Variants in ARID1B observed in about 807,000 individuals in gnomAD.
ARID1B encodes AT-rich interaction domain 1B.
ARID1B carries 30 observed loss-of-function variants against 212.3 expected under a neutral mutation model. The observed-to-expected ratio is 0.14, with a 90% CI of 0.11 to 0.19. ARID1B has a LOEUF of 0.19. ARID1B is among the 10% of genes least tolerant of loss of function. The pLI is 1.00. For missense variants in ARID1B, 2,891 were observed against 3,204.0 expected (o/e 0.90, Z 2.36); for synonymous variants, 1,402 against 1,301.7 (o/e 1.08, Z -1.66).
chr6:156,808,516 A>G (rs530597359), intron 1 of ARID1B, among the ~76,000 whole-genome samples: 1 of 152,294 alleles, frequency 6.6e-6, no homozygotes, highest in South Asian at 2.1e-4. Context: ...ACTAAAGTCA[A>G]TGCTTGTAAT....
rs1458177119 is a variant in ARID1B, at chr6:157,196,392, GGCA to G, written c.4382+80_4382+82del. The G allele has an allele frequency of 3.3e-6, 5 of 1,513,336 alleles. No homozygotes were observed. In the African/African-American group the frequency reaches 7.0e-5, roughly 21 times the overall value. 93.7% of individuals were successfully genotyped at this position (1,513,336 alleles called of 1,614,324 possible). A position where few individuals can be genotyped will look rare whatever the true frequency, so the allele number is the denominator to read the frequency against. The stretch of plus-strand genomic sequence containing the variant: ...CCTCACACACACATTTCTGAGCCCT[GGCA>G]GCTGAGCCACTGATGACAATATACA... On this transcript the variant is annotated intron_variant, in intron 16 of 19. Transcript: ENST00000636930.
At chr6:156,913,635 C>A (rs1289670237) in intron 3 of ARID1B, among the ~76,000 whole-genome samples, 3 of 152,112 alleles carry the variant, frequency 2.0e-5, no homozygotes, top group Non-Finnish European at 2.9e-5. Flanking sequence ...ATCTTCCCAA[C>A]TTCCAGCCCA....
intron 4 of ARID1B, among the ~76,000 whole-genome samples, chr6:156,960,112 G>T (rs1794268450): frequency 6.6e-6 from 1 of 151,954 alleles, no homozygotes; most frequent in Non-Finnish European, 1.5e-5. Context: ...TGTATTTTTA[G>T]TAGAGACGGG....
chr6:156,891,962 C>T (rs1156961868), intron 2 of ARID1B, among the ~76,000 whole-genome samples: 3 of 150,302 alleles, frequency 2.0e-5, no homozygotes, highest in African/African-American at 4.9e-5. Flanking sequence ...GTCTCTGCCT[C>T]TCCGGTTCAA....
At chr6:157,126,282 G>T (rs367711799) in intron 6 of ARID1B, among the ~76,000 whole-genome samples, 23 of 152,252 alleles carry the variant, frequency 1.5e-4, no homozygotes, top group African/African-American at 5.5e-4. Context: ...AGCAAGATGT[G>T]CGTTCTTCAC....
chr6:157,048,985 C>G (rs187406185), intron 4 of ARID1B, among the ~76,000 whole-genome samples: 1 of 151,968 alleles, frequency 6.6e-6, no homozygotes, highest in African/African-American at 2.4e-5. Context: ...ACCAGCCTAG[C>G]CAACATGGTA....
intron 1 of ARID1B, among the ~76,000 whole-genome samples, chr6:156,786,193 TA>T (rs1180566255): frequency 3.3e-5 from 5 of 152,304 alleles, no homozygotes; most frequent in South Asian, 2.1e-4. Flanking sequence ...TTTATAGTGA[TA>T]TTTTTTTCTA....
chr6:157,128,115 C>T lies in ARID1B; in HGVS notation c.2582-4913C>T, dbSNP rs374324942. Reference sequence around the variant, plus strand: ...GAGGAAACTGCTAATAGACATGCATCGTTTCTGTATTTAGGATGAATAGAA... The same window carrying T: ...GAGGAAACTGCTAATAGACATGCATTGTTTCTGTATTTAGGATGAATAGAA... On this transcript the variant is annotated intron_variant, in intron 6 of 19. Coordinates refer to ENST00000636930, the MANE Select transcript of ARID1B (RefSeq NM_001374828.1). Among the ~76,000 whole-genome samples, 27 of 152,280 alleles carry T rather than the reference C, an allele frequency of 1.8e-4. 1 individual carries two copies. In the South Asian group the frequency reaches 5.0e-3, roughly 28 times the overall value.
intron 8 of ARID1B, chr6:157,149,472 GTTATA>G (rs1374998813): frequency 1.3e-5 from 2 of 152,504 alleles, no homozygotes; most frequent in African/African-American, 4.8e-5. Context: ...ACATTCTTAT[GTTATA>G]TTTTATTTTT....
At chr6:156,858,514 C>G (rs568605627) in intron 2 of ARID1B, among the ~76,000 whole-genome samples, 1 of 152,178 alleles carries the variant, frequency 6.6e-6, no homozygotes, top group South Asian at 2.1e-4. Flanking sequence ...ACCTGTAATT[C>G]TAGCACTTTG....
In ARID1B at chr6:156,778,372, C is replaced by G; in HGVS notation, c.692C>G (p.Pro231Arg). 1.3e-6 allele frequency: 2 copies of G among 1,534,932 alleles called. No individual in the cohort carries two copies. Among genetic ancestry groups the G allele is most frequent in the Non-Finnish European group, 1.7e-6 (2 of 1,144,624 alleles). Residue 231 changes from proline to arginine, a missense_variant, in exon 1 of 20, where the codon CCT (proline) becomes CGT (arginine). Pro to Arg is a moderately radical substitution (Grantham distance 103). Transcript: ENST00000636930. Reference sequence around the variant, plus strand: ...TTGGGCGGCGCGGGCGGCGGCGCGCCTCAGCCCGGCCCCGACATGGAGCAG... The same window carrying G: ...TTGGGCGGCGCGGGCGGCGGCGCGCGTCAGCCCGGCCCCGACATGGAGCAG... ...NSLGGAGGGA[P>R]QPGPDMEQPQ... is the part of the protein sequence containing the mutation.
At chr6:157,088,528 A>G (rs900706262) in intron 5 of ARID1B, among the ~76,000 whole-genome samples, 5 of 152,164 alleles carry the variant, frequency 3.3e-5, no homozygotes, top group Admixed American at 2.6e-4. Context: ...TCATTTCCCT[A>G]AGATTCATAT....
In ARID1B at chr6:157,200,916, A is replaced by T. The variant is rs755473951; in HGVS notation, c.4691A>T (p.His1564Leu). 1 of 1,613,792 alleles carries T rather than the reference A, an allele frequency of 6.2e-7. No homozygotes were observed. Among genetic ancestry groups the T allele is most frequent in the South Asian group, 1.1e-5 (1 of 91,074 alleles). The part of the protein sequence containing the change: ...RMQGPGQIQT[H>L]GIPPQMMGGP... ...CAGGGCCCGGGGCAGATCCAGACAC[A>T]CGGAATCCCGCCTCAGATGATGGGC... Residue 1564 changes from histidine to leucine, a missense_variant, in exon 18 of 20, where the codon CAC becomes CTC. By Grantham distance (99) the His-to-Leu change is moderately conservative. This residue lies in a region of ARID1B where 666 missense variants were observed against 873.5 expected (regional missense o/e 0.76). Transcript: ENST00000636930. The surrounding 1 kb of genome is among the most constrained non-coding windows in gnomAD (Gnocchi z 4.3).
In ARID1B at chr6:156,962,782, C is replaced by T. The variant is rs111544918; in HGVS notation, c.2247+27206C>T. 1.6e-4 allele frequency among the ~76,000 whole-genome samples: 24 copies of T among 152,090 alleles called. No individual in the cohort carries two copies. In the South Asian group the frequency reaches 4.6e-3, roughly 29 times the overall value. ...ACAGGTGTGAGCCATCACACCTGGC[C>T]GATTTCTTTCTTTCTTTTTGAGATG... On this transcript the variant is annotated intron_variant, in intron 4 of 19. Coordinates refer to ENST00000636930, the MANE Select transcript of ARID1B (RefSeq NM_001374828.1).
At chr6:157,070,644 G>A (rs117004065) in intron 4 of ARID1B, among the ~76,000 whole-genome samples, 4 of 152,182 alleles carry the variant, frequency 2.6e-5, no homozygotes, top group Non-Finnish European at 4.4e-5. Context: ...TGGAGCATGC[G>A]GCAGTATCCC....
Position 157,001,619 on chromosome 6 carries a change from A to G in ARID1B, c.2247+66043A>G, listed in dbSNP as rs140047594. On this transcript the variant is annotated intron_variant, in intron 4 of 19. Coordinates refer to ENST00000636930, the MANE Select transcript of ARID1B (RefSeq NM_001374828.1). The stretch of plus-strand genomic sequence containing the variant: ...GCCAGGGGACCTTGTTTGATATATT[A>G]CGCAGTACTACATCTGAGCTATATG... Among the ~76,000 whole-genome samples, 663 of 152,342 alleles carry G rather than the reference A, an allele frequency of 4.4e-3. 8 individuals carry two copies. The highest frequency in any genetic ancestry group is 0.015 in the African/African-American group (630 of 41,570).
At chr6:156,870,557 G>C (rs980038480) in intron 2 of ARID1B, 1 of 152,178 alleles carries the variant, frequency 6.6e-6, no homozygotes, top group Non-Finnish European at 1.5e-5. Flanking sequence ...TGTATCTATA[G>C]TTTAAAAGAT....
At chr6:156,782,863 A>G (rs1779372647) in intron 1 of ARID1B, among the ~76,000 whole-genome samples, 1 of 152,136 alleles carries the variant, frequency 6.6e-6, no homozygotes, top group African/African-American at 2.4e-5. Flanking sequence ...AAATATAACA[A>G]ATGTCTGCAG....
chr6:156,973,811 T>TA (rs1777078279), intron 4 of ARID1B, among the ~76,000 whole-genome samples: 1 of 152,188 alleles, frequency 6.6e-6, no homozygotes, highest in Non-Finnish European at 1.5e-5. Flanking sequence ...CGAATTTATT[T>TA]AAAAATTTCC....
Sources: gnomAD v4.1 joint callset for allele counts (sites outside exome capture counted in the v4.1 genomes callset) on GRCh38, gnomAD v4.1.1 for gene constraint, gnomAD v4.1.1 regional missense constraint, Gnocchi (gnomAD v3.1) non-coding constraint, MANE v1.5 for transcripts, NCBI Gene and HGNC (gene_info 2026-07-23, HGNC 2026-07-21) for gene names.